SEMA3A: variants seen among roughly 807,000 people sequenced by gnomAD.
The protein encoded by SEMA3A is semaphorin 3A, also known as semaphorin-3A.
SEMA3A carries 29 observed loss-of-function variants against 97.9 expected under a neutral mutation model. That is an observed-to-expected ratio of 0.30 (90% CI 0.22 to 0.40). The LOEUF is 0.40. Among genes scored for constraint, SEMA3A ranks in the 10% least tolerant of loss-of-function variants. SEMA3A has a pLI of 1.00. For synonymous variants in SEMA3A, 321 were observed against 323.7 expected (o/e 0.99, Z 0.09); for missense variants, 763 against 951.3 (o/e 0.80, Z 2.60).
chr7:84,215,432 C>A (rs1024650081), intron 3 of SEMA3A, among the ~76,000 whole-genome samples: 48 of 14,004 alleles, frequency 3.4e-3, no homozygotes, highest in African/African-American at 4.1e-3. Context: ...AGATGATCCG[C>A]CCCCCCCTTG....
At chr7:84,408,516 C>T (rs574298974) in intron 1 of SEMA3A, among the ~76,000 whole-genome samples, 1 of 152,088 alleles carries the variant, frequency 6.6e-6, no homozygotes, top group South Asian at 2.1e-4. Context: ...CTAGAAATAC[C>T]ATCTGACCCA....
At chr7:83,974,631 C>G (rs1006438621) in intron 15 of SEMA3A, among the ~76,000 whole-genome samples, 1 of 152,118 alleles carries the variant, frequency 6.6e-6, no homozygotes, top group African/African-American at 2.4e-5. Flanking sequence ...ATTTTACTTT[C>G]AAATACTGAC....
intron 1 of SEMA3A, among the ~76,000 whole-genome samples, chr7:84,482,896 C>T (rs1024920536): frequency 6.4e-5 from 9 of 140,058 alleles, no homozygotes; most frequent in African/African-American, 2.2e-4. Flanking sequence ...TAGTCTCAAA[C>T]TTTCTTAGTC....
At chr7:84,043,479 T>C (rs1792223913) in intron 6 of SEMA3A, among the ~76,000 whole-genome samples, 1 of 152,072 alleles carries the variant, frequency 6.6e-6, no homozygotes, top group Non-Finnish European at 1.5e-5. Context: ...AAAAATAAAG[T>C]CCTATGCTGA....
At chr7:84,336,636 G>A (rs1439273361) in intron 2 of SEMA3A, among the ~76,000 whole-genome samples, 2 of 152,106 alleles carry the variant, frequency 1.3e-5, no homozygotes, top group Non-Finnish European at 2.9e-5. Context: ...TGCTGAAGGA[G>A]GAGGAACCAG....
At chr7:84,451,552 A>T (rs1805555413) in intron 1 of SEMA3A, among the ~76,000 whole-genome samples, 1 of 152,238 alleles carries the variant, frequency 6.6e-6, no homozygotes, top group South Asian at 2.1e-4. Flanking sequence ...GTATGACAAT[A>T]GATAGAAATT....
intron 1 of SEMA3A, among the ~76,000 whole-genome samples, chr7:84,436,753 A>G (rs1372845349): frequency 6.6e-6 from 1 of 152,156 alleles, no homozygotes; most frequent in Non-Finnish European, 1.5e-5. Flanking sequence ...AAGTCTGAAC[A>G]TAGATTGCTT....
intron 1 of SEMA3A, among the ~76,000 whole-genome samples, chr7:84,436,340 TTAAAC>T (rs1179821396): frequency 1.3e-5 from 2 of 152,142 alleles, no homozygotes; most frequent in Admixed American, 6.6e-5. Context: ...TGGTACCTAA[TTAAAC>T]TAAAGAGATT....
intron 11 of SEMA3A, among the ~76,000 whole-genome samples, chr7:84,005,074 A>C (rs947847121): frequency 6.6e-6 from 1 of 152,120 alleles, no homozygotes; most frequent in Non-Finnish European, 1.5e-5. Flanking sequence ...CCTTTTCTCT[A>C]GCTTGTTTTA....
intron 5 of SEMA3A, among the ~76,000 whole-genome samples, chr7:84,055,100 T>C (rs913781770): frequency 5.3e-5 from 8 of 151,994 alleles, no homozygotes; most frequent in Non-Finnish European, 1.2e-4. Flanking sequence ...ACCACTGCTC[T>C]CTTCAAAGCT....
chr7:84,318,324 T>G (rs1801562191), intron 2 of SEMA3A, among the ~76,000 whole-genome samples: 1 of 141,254 alleles, frequency 7.1e-6, no homozygotes, highest in Non-Finnish European at 1.5e-5. Context: ...TTGGTTTTTT[T>G]TTTTTTTTTT....
rs546483530 is a variant in SEMA3A, at chr7:84,203,776, C to A, written c.-82-9108G>T. Among the ~76,000 whole-genome samples, 7 of 151,820 alleles carry A rather than the reference C, an allele frequency of 4.6e-5. No individual in the cohort carries two copies. In the South Asian group the frequency reaches 1.5e-3, roughly 32 times the overall value. On this transcript the variant is annotated intron_variant, in intron 3 of 3. Transcript: ENST00000424555. ...GAACTCCTGACCGCAGGTGATCCAA[C>A]CGCCCCAGCCTCCCAAAGTGCTGGG...
intron 2 of SEMA3A, among the ~76,000 whole-genome samples, chr7:84,334,789 C>A (rs1004776164): frequency 6.6e-6 from 1 of 151,318 alleles, no homozygotes; most frequent in African/African-American, 2.4e-5. Context: ...TCCTCTCACT[C>A]ACAACCCCTG....
At chr7:84,329,505 G>A (rs1801860560) in intron 2 of SEMA3A, among the ~76,000 whole-genome samples, 1 of 151,940 alleles carries the variant, frequency 6.6e-6, no homozygotes, top group Non-Finnish European at 1.5e-5. Context: ...CCAAAAGGCT[G>A]GACATGTGTG....
At chr7:84,380,991 C>A (rs1463990190) in intron 1 of SEMA3A, among the ~76,000 whole-genome samples, 2 of 152,188 alleles carry the variant, frequency 1.3e-5, no homozygotes, top group Non-Finnish European at 2.9e-5. Flanking sequence ...ACCAGCAAAA[C>A]TCCTTTTGCC....
At chr7:84,270,585 T>A (rs756437317) in intron 3 of SEMA3A, among the ~76,000 whole-genome samples, 3 of 147,738 alleles carry the variant, frequency 2.0e-5, no homozygotes, top group Non-Finnish European at 4.5e-5. Context: ...TTCATAAATA[T>A]ATAAATAATT....
intron 6 of SEMA3A, among the ~76,000 whole-genome samples, chr7:84,016,383 C>CA (rs1425528304): frequency 6.6e-6 from 1 of 151,852 alleles, no homozygotes; most frequent in Admixed American, 6.6e-5. Context: ...ACTAAAAATA[C>CA]AAAAATTAGC....
At chr7:84,183,940 C>A (rs1271175022) in intron 1 of SEMA3A, among the ~76,000 whole-genome samples, 1 of 151,998 alleles carries the variant, frequency 6.6e-6, no homozygotes, top group African/African-American at 2.4e-5. Context: ...ATTACTATAC[C>A]ATTACTAATT....
At position 84,159,614 on chromosome 7, in the gene SEMA3A, T is replaced by A. The variant is rs1181963255; in HGVS notation, c.113-24663A>T. Among the ~76,000 whole-genome samples the A allele has an allele frequency of 2.0e-5, 3 of 152,144 alleles. No individual in the cohort carries two copies. The East Asian group carries it at 5.8e-4, about 29-fold the overall frequency. Reference sequence around the variant, plus strand: ...GGGGAAATAAAATTAGAACACCACCTCTTCATACCAGTAGAGAAAAGCTTT... The same window carrying A: ...GGGGAAATAAAATTAGAACACCACCACTTCATACCAGTAGAGAAAAGCTTT... On this transcript the variant is annotated intron_variant, in intron 1 of 16. Transcript: ENST00000265362.
Sources: gnomAD v4.1 joint callset for allele counts (sites outside exome capture counted in the v4.1 genomes callset) on GRCh38, gnomAD v4.1.1 for gene constraint, MANE v1.5 for transcripts, NCBI Gene and HGNC (gene_info 2026-07-23, HGNC 2026-07-21) for gene names.